The following FTH1 variants were observed in gnomAD, a reference collection of about 807,000 sequenced individuals.
The protein encoded by FTH1 is ferritin heavy chain.
In FTH1, 3 loss-of-function variants were observed where a neutral mutation model predicts 21.8. That is an observed-to-expected ratio of 0.14 (90% CI 0.06 to 0.36). FTH1 has a LOEUF of 0.36. FTH1 is among the 10% of genes least tolerant of loss of function. The probability of loss-of-function intolerance (pLI) is 1.00; values close to 1 mark genes in which losing one functional copy is unlikely to be tolerated. For missense variants in FTH1, 147 were observed against 225.8 expected (o/e 0.65, Z 2.24); for synonymous variants, 83 against 90.1 (o/e 0.92, Z 0.45).
In FTH1 at chr11:61,964,568, G is replaced by A. The variant is rs755982610; in HGVS notation, c.*159C>T. On this transcript the variant is annotated 3_prime_UTR_variant, in exon 4 of 4. Transcript: ENST00000273550. Reference sequence around the variant, plus strand: ...CCAAGACCTCAAAGACAACACCTGGGTACCAAATTTCTTTATTTGAAGGAA... The same window carrying A: ...CCAAGACCTCAAAGACAACACCTGGATACCAAATTTCTTTATTTGAAGGAA... 10 of 841,492 alleles carry A rather than the reference G, an allele frequency of 1.2e-5. No homozygotes were observed. Among genetic ancestry groups the A allele is most frequent in the Non-Finnish European group, 1.7e-5 (9 of 528,338 alleles). 52.1% of individuals were successfully genotyped at this position (841,492 alleles called of 1,614,324 possible).
rs765723689 is a variant in FTH1, at chr11:61,964,861, T to C, written c.418A>G (p.Asn140Asp). The change falls in exon 4 of 4, where the codon AAT becomes GAT. Residue 140 changes from asparagine (N) to aspartate (D), a missense_variant. Coordinates refer to ENST00000273550, the MANE Select transcript of FTH1 (RefSeq NM_002032.3). ...TCTTTGATGGCTTTCACCTGCTCAT[T>C]CAGGTAATGTGTCTCAATGAAGTCA... ...LCDFIETHYL[N>D]EQVKAIKELG... is the part of the protein sequence containing the mutation. The C allele has an allele frequency of 6.2e-6, 10 of 1,604,104 alleles. No individual in the cohort carries two copies. The highest frequency in any genetic ancestry group is 5.0e-5 in the Admixed American group (3 of 59,994).
At chr11:61,966,088 C>T (rs779996613) in intron 1 of FTH1, among the ~76,000 whole-genome samples, 3 of 152,164 alleles carry the variant, frequency 2.0e-5, no homozygotes, top group Non-Finnish European at 4.4e-5. Flanking sequence ...TCCTGGTCAA[C>T]ATGGTGAAAC....
At chr11:61,965,600 C>T (rs548547478) in intron 1 of FTH1, 85 bp from the exon 2 acceptor site, 6 of 1,480,722 alleles carry the variant, frequency 4.1e-6, no homozygotes, top group East Asian at 4.5e-5. Context: ...AAGATGGTCT[C>T]GTCAGCCTAG....
chr11:61,965,396 A>C lies in FTH1; in HGVS notation c.234T>G (p.Gly78=). 1 of 1,613,540 alleles carries C rather than the reference A, an allele frequency of 6.2e-7. No homozygotes were observed. The highest frequency in any genetic ancestry group is 1.1e-5 in the South Asian group (1 of 91,056). The change falls in exon 2 of 4, where the codon GGT becomes GGG. Residue 78 remains glycine (G), a synonymous_variant. Coordinates refer to ENST00000273550, the MANE Select transcript of FTH1 (RefSeq NM_002032.3). ...TGATATCCTGAAGGAAGATTCGGCC[A>C]CCTCGTTGGTTCTGCAGCTTCATCA... ...EKLMKLQNQR[G]GRIFLQDIKK...
rs914740920 is a variant in FTH1, at chr11:61,964,451, A to G, written c.*276T>C. 1 of 614,432 alleles carries G rather than the reference A, an allele frequency of 1.6e-6. No individual in the cohort carries two copies. The highest frequency in any genetic ancestry group is 2.8e-6 in the Non-Finnish European group (1 of 353,826). 38.1% of individuals were successfully genotyped at this position (614,432 alleles called of 1,614,324 possible). A position where few individuals can be genotyped will look rare whatever the true frequency, so the allele number is the denominator to read the frequency against. On this transcript the variant is annotated 3_prime_UTR_variant, in exon 4 of 4. Transcript: ENST00000273550. ...CCAAACTAATGAGTTTAATAAATACAAATACTCGTTTCTTTTTGATTAGTG... is the reference window on the plus strand; with the variant it reads ...CCAAACTAATGAGTTTAATAAATACGAATACTCGTTTCTTTTTGATTAGTG...
chr11:61,967,353 T>C lies in FTH1; in HGVS notation c.73A>G (p.Ile25Val). 1.2e-6 allele frequency: 2 copies of C among 1,607,026 alleles called. No individual in the cohort carries two copies. Among genetic ancestry groups the C allele is most frequent in the Non-Finnish European group, 1.7e-6 (2 of 1,176,800 alleles). ...QDSEAAINRQ[I>V]NLELYASYVY... Reference sequence around the variant, plus strand: ...TAGGAGGCGTAGAGCTCCAGGTTGATCTGGCGGTTGATGGCGGCCTCTGAG... The same window carrying C: ...TAGGAGGCGTAGAGCTCCAGGTTGACCTGGCGGTTGATGGCGGCCTCTGAG... The change falls in exon 1 of 4, where the codon ATC becomes GTC. Residue 25 changes from isoleucine to valine, a missense_variant. Coordinates refer to ENST00000273550, the MANE Select transcript of FTH1 (RefSeq NM_002032.3).
chr11:61,964,301 T>C lies in FTH1; in HGVS notation c.*426A>G. ...CCAGACTACTTCAGCCTTTAATGCC[T>C]TTTATTCATAAAAACTGTGAAAGCT... On this transcript the variant is annotated 3_prime_UTR_variant, in exon 4 of 4. Transcript: ENST00000273550. 1 of 1,202,356 alleles carries C rather than the reference T, an allele frequency of 8.3e-7. No homozygotes were observed. The highest frequency in any genetic ancestry group is 1.1e-6 in the Non-Finnish European group (1 of 873,048). 74.5% of individuals were successfully genotyped at this position (1,202,356 alleles called of 1,614,324 possible).
In FTH1 at chr11:61,965,055, A is replaced by G; in HGVS notation, c.319T>C (p.Leu107=). The G allele has an allele frequency of 6.2e-7, 1 of 1,611,800 alleles. No individual in the cohort carries two copies. Among genetic ancestry groups the G allele is most frequent in the Non-Finnish European group, 8.5e-7 (1 of 1,180,006 alleles). ...GLNAMECALH[L]EKNVNQSLLE... ...AGTGACTGATTCACATTTTTTTCCA[A>G]ATGTAATGCACACTCCATTGCATTC... Residue 107 remains leucine, a synonymous_variant, in exon 3 of 4, where the codon TTG becomes CTG. Transcript: ENST00000273550.
intron 1 of FTH1, among the ~76,000 whole-genome samples, chr11:61,966,003 C>G (rs982570567): frequency 2.6e-5 from 4 of 152,118 alleles, no homozygotes; most frequent in African/African-American, 9.7e-5. Context: ...CTGCTGGGTG[C>G]GGTGGCTCAG....
Position 61,967,626 on chromosome 11 carries a change from A to C in FTH1, c.-201T>G. 1.5e-6 allele frequency: 1 copy of C among 653,076 alleles called. No homozygotes were observed. Among genetic ancestry groups the C allele is most frequent in the Non-Finnish European group, 2.8e-6 (1 of 354,792 alleles). The allele number at this position is 653,076 out of a possible 1,614,324, so 40.5% of individuals were successfully genotyped here. ...AAACCCCGACGACTCTCGGCGAAGAACGTCTGGCCCTGCGGGTCGCTTGTG... is the reference window on the plus strand; with the variant it reads ...AAACCCCGACGACTCTCGGCGAAGACCGTCTGGCCCTGCGGGTCGCTTGTG... On this transcript the variant is annotated 5_prime_UTR_variant, in exon 1 of 4. Transcript: ENST00000273550.
At position 61,967,403 on chromosome 11, in the gene FTH1, T is replaced by C; in HGVS notation, c.23A>G (p.Gln8Arg). The C allele has an allele frequency of 6.2e-7, 1 of 1,603,980 alleles. No individual in the cohort carries two copies. Among genetic ancestry groups the C allele is most frequent in the Non-Finnish European group, 8.5e-7 (1 of 1,176,372 alleles). MTTASTS[Q>R]VRQNYHQDSE... ...GTCCTGGTGGTAGTTCTGGCGCACCTGCGAGGTGGACGCGGTCGTCATGGC... is the reference window on the plus strand; with the variant it reads ...GTCCTGGTGGTAGTTCTGGCGCACCCGCGAGGTGGACGCGGTCGTCATGGC... The change falls in exon 1 of 4, where the codon CAG becomes CGG. Residue 8 changes from glutamine to arginine, a missense_variant. Transcript: ENST00000273550.
At position 61,964,296 on chromosome 11, in the gene FTH1, A is replaced by G; in HGVS notation, c.*431T>C. 2.4e-6 allele frequency: 3 copies of G among 1,246,296 alleles called. No homozygotes were observed. Among genetic ancestry groups the G allele is most frequent in the Non-Finnish European group, 3.3e-6 (3 of 907,900 alleles). The allele number at this position is 1,246,296 out of a possible 1,614,324, so 77.2% of individuals were successfully genotyped here. ...AAATCCCAGACTACTTCAGCCTTTA[A>G]TGCCTTTTATTCATAAAAACTGTGA... On this transcript the variant is annotated 3_prime_UTR_variant, in exon 4 of 4. Coordinates refer to ENST00000273550, the MANE Select transcript of FTH1 (RefSeq NM_002032.3).
rs866119662 is a variant in FTH1 at position 61,967,627 on chromosome 11, C to T, written c.-202G>A. 4.6e-6 allele frequency: 3 copies of T among 656,522 alleles called. No individual in the cohort carries two copies. Among genetic ancestry groups the T allele is most frequent in the Admixed American group, 4.1e-5 (2 of 48,440 alleles). 40.7% of individuals were successfully genotyped at this position (656,522 alleles called of 1,614,324 possible). On this transcript the variant is annotated 5_prime_UTR_variant, in exon 1 of 4. Transcript: ENST00000273550. ...AACCCCGACGACTCTCGGCGAAGAA[C>T]GTCTGGCCCTGCGGGTCGCTTGTGG...
rs373393355 is a variant in FTH1 at position 61,965,124 on chromosome 11, T to G, written c.262-12A>C. The stretch of plus-strand genomic sequence containing the variant: ...TCACAGTCTGGTTTCTGAATGAGAA[T>G]AGGTTAATGCATCTCTACCAACTAA... On this transcript the variant is annotated splice_polypyrimidine_tract_variant and intron_variant, in intron 2 of 3. Transcript: ENST00000273550. The G allele has an allele frequency of 1.2e-6, 2 of 1,603,384 alleles. No homozygotes were observed. Among genetic ancestry groups the G allele is most frequent in the Admixed American group, 3.3e-5 (2 of 60,018 alleles).
Position 61,964,335 on chromosome 11 carries a change from C to G in FTH1, c.*392G>C. 1 of 947,454 alleles carries G rather than the reference C, an allele frequency of 1.1e-6. No individual in the cohort carries two copies. Among genetic ancestry groups the G allele is most frequent in the Admixed American group, 2.9e-5 (1 of 35,062 alleles). 58.7% of individuals were successfully genotyped at this position (947,454 alleles called of 1,614,324 possible). ...TAAAAACTGTGAAAGCTAGACTGAA[C>G]CATTGGAAACATTTAACTCAGACTC... is the stretch of plus-strand genomic sequence containing the variant. On this transcript the variant is annotated 3_prime_UTR_variant, in exon 4 of 4. Transcript: ENST00000273550.
intron 1 of FTH1, 62 bp downstream of exon 1, chr11:61,967,250 C>G (rs1387626820): frequency 1.3e-5 from 15 of 1,114,562 alleles, no homozygotes; most frequent in Non-Finnish European, 1.9e-5. Flanking sequence ...CCGGCCCGCC[C>G]CAGCGCGCGC....
In FTH1 at chr11:61,964,754, G is replaced by A. The variant is rs111249745; in HGVS notation, c.525C>T (p.Thr175=). 388 of 1,599,110 alleles carry A rather than the reference G, an allele frequency of 2.4e-4. 2 individuals carry two copies. In the African/African-American group the frequency reaches 4.7e-3, roughly 19 times the overall value. Residue 175 remains threonine (T), a synonymous_variant, in exon 4 of 4, where the codon ACC becomes ACT. Coordinates refer to ENST00000273550, the MANE Select transcript of FTH1 (RefSeq NM_002032.3). ...GLAEYLFDKH[T]LGDSDNES ...AGCTTTCATTATCACTGTCTCCCAGGGTGTGCTTGTCAAAGAGATATTCCG... is the reference window on the plus strand; with the variant it reads ...AGCTTTCATTATCACTGTCTCCCAGAGTGTGCTTGTCAAAGAGATATTCCG...
In FTH1 at chr11:61,964,722, G is replaced by A. The variant is rs780121825; in HGVS notation, c.*5C>T. 6.8e-5 allele frequency: 109 copies of A among 1,598,034 alleles called. No homozygotes were observed. Among genetic ancestry groups the A allele is most frequent in the South Asian group, 1.2e-4 (11 of 91,012 alleles). ...CCCACGGCTATGGGGAAATTAGCCC[G>A]AGGCTTAGCTTTCATTATCACTGTC... On this transcript the variant is annotated 3_prime_UTR_variant, in exon 4 of 4. Transcript: ENST00000273550.
chr11:61,966,243 C>T (rs951673723), intron 1 of FTH1, among the ~76,000 whole-genome samples: 2 of 152,192 alleles, frequency 1.3e-5, no homozygotes, highest in African/African-American at 2.4e-5. Context: ...CACTGCACTC[C>T]AGCCTGGGCG....
Sources: allele counts gnomAD v4.1 joint callset (sites outside exome capture counted in the v4.1 genomes callset), GRCh38; gene constraint gnomAD v4.1.1; transcripts MANE v1.5; gene names NCBI Gene and HGNC (gene_info 2026-07-23, HGNC 2026-07-21).